FAM98B: variants seen among roughly 807,000 people sequenced by gnomAD.
FAM98B encodes the protein tRNA-splicing ligase complex subunit FAM98B.
In FAM98B, 32 loss-of-function variants were observed where a neutral mutation model predicts 43.9. The ratio of observed to expected loss-of-function variants is 0.73; its 90% CI spans 0.55 to 0.98. The LOEUF (loss-of-function observed/expected upper bound fraction) is 0.98, where lower values mean the gene tolerates loss of function less well. Ranked by LOEUF, FAM98B falls within the 50% of genes least tolerant of loss-of-function variation. FAM98B has a pLI of 0.00. For missense variants in FAM98B, 514 were observed against 522.9 expected, an observed-to-expected ratio of 0.98 and a Z score of 0.17; for synonymous variants, 190 against 174.0, an observed-to-expected ratio of 1.09 and a Z score of -0.72.
chr15:38,486,895 C>A lies in FAM98B; in HGVS notation c.*2236C>A, dbSNP rs1044317696. On this transcript the variant is annotated 3_prime_UTR_variant, in exon 8 of 8. Coordinates refer to ENST00000397609, the MANE Select transcript of FAM98B (RefSeq NM_173611.4). ...AATGTTTTATAAATTGAGTGCAATA[C>A]GACATGGAGTATGATGAATGGCACT... 2 of 152,086 alleles carry A rather than the reference C, an allele frequency of 1.3e-5. No homozygotes were observed. Among genetic ancestry groups the A allele is most frequent in the African/African-American group, 4.8e-5 (2 of 41,428 alleles). 9.4% of individuals were successfully genotyped at this position (152,086 alleles called of 1,614,324 possible). A position where few individuals can be genotyped will look rare whatever the true frequency, so the allele number is the denominator to read the frequency against.
At chr15:38,481,202 CCTTTT>C (rs897644656) in intron 6 of FAM98B, 85 bp from the exon 7 acceptor site, 7 of 1,116,616 alleles carry the variant, frequency 6.3e-6, no homozygotes, top group Admixed American at 4.5e-5. Flanking sequence ...TGCATTATCT[CCTTTT>C]CTTTATTTCT....
Position 38,479,225 on chromosome 15 carries a change from C to G in FAM98B, c.730-2067C>G, listed in dbSNP as rs181745197. ...TCAAGTAATGCTCCCACTTCAGCCT[C>G]CCAAAGTGCTGAGATTACAGGAATG... On this transcript the variant is annotated intron_variant, in intron 6 of 7. Transcript: ENST00000397609. Among the ~76,000 whole-genome samples, 70 of 152,306 alleles carry G rather than the reference C, an allele frequency of 4.6e-4. 1 individual carries two copies. In the East Asian group the frequency reaches 0.013, roughly 27 times the overall value.
intron 3 of FAM98B, among the ~76,000 whole-genome samples, chr15:38,468,181 G>T (rs1890068399): frequency 6.6e-6 from 1 of 152,128 alleles, no homozygotes; most frequent in African/African-American, 2.4e-5. Flanking sequence ...CTTCAGCCAA[G>T]GTTCTGTCTA....
chr15:38,474,661 G>A (rs1430674357), intron 6 of FAM98B, among the ~76,000 whole-genome samples: 2 of 152,206 alleles, frequency 1.3e-5, no homozygotes, highest in South Asian at 2.1e-4. Flanking sequence ...GGCCTTAAAA[G>A]TATCTTAAGG....
chr15:38,455,394 T>G (rs1889832225), intron 1 of FAM98B, among the ~76,000 whole-genome samples: 1 of 152,212 alleles, frequency 6.6e-6, no homozygotes, highest in Admixed American at 6.5e-5. Flanking sequence ...CTTGAACCAA[T>G]CCCACACCCC....
Position 38,473,511 on chromosome 15 carries a change from G to T in FAM98B, c.538G>T (p.Asp180Tyr). ...MLNQVESKVK[D>Y]ILSKVQKNHV... ...CTTTTATATTTACTTTTAGGTGAAA[G>T]ATATTCTCTCAAAGGTCCAGAAAAA... is the stretch of plus-strand genomic sequence containing the variant. Residue 180 changes from aspartate (D) to tyrosine (Y), a missense_variant, in exon 5 of 8, where the codon GAT (aspartate) becomes TAT (tyrosine). Coordinates refer to ENST00000397609, the MANE Select transcript of FAM98B (RefSeq NM_173611.4). The T allele has an allele frequency of 6.2e-7, 1 of 1,601,340 alleles. No individual in the cohort carries two copies. The highest frequency in any genetic ancestry group is 8.5e-7 in the Non-Finnish European group (1 of 1,174,148).
At chr15:38,468,448 C>T (rs996508244) in intron 3 of FAM98B, among the ~76,000 whole-genome samples, 1 of 152,150 alleles carries the variant, frequency 6.6e-6, no homozygotes, top group Non-Finnish European at 1.5e-5. Flanking sequence ...GTCTTAAACT[C>T]CTGGGCCCAA....
chr15:38,467,923 T>G (rs1329581020), intron 3 of FAM98B, among the ~76,000 whole-genome samples: 1 of 152,172 alleles, frequency 6.6e-6, no homozygotes, highest in Non-Finnish European at 1.5e-5. Context: ...CTTGTTTGTA[T>G]AAAAGGAACA....
chr15:38,476,064 A>G (rs895642029), intron 6 of FAM98B, among the ~76,000 whole-genome samples: 1 of 152,140 alleles, frequency 6.6e-6, no homozygotes, highest in Non-Finnish European at 1.5e-5. Context: ...GGAAATCCAC[A>G]AGTAATTTCC....
chr15:38,476,898 G>C (rs1566900505), intron 6 of FAM98B, among the ~76,000 whole-genome samples: 1 of 152,028 alleles, frequency 6.6e-6, no homozygotes, highest in Non-Finnish European at 1.5e-5. Context: ...GGCTGGGGCG[G>C]GTGGATTGCT....
chr15:38,484,632 T>C lies in FAM98B; in HGVS notation c.1275T>C (p.Gly425=), dbSNP rs777061278. The change falls in exon 8 of 8, where the codon GGT becomes GGC. Residue 425 remains glycine, a synonymous_variant. Transcript: ENST00000397609. ...GTGGTGGTGGTGGTGGTGGTGGTGG[T>C]GGAGGAGGTGGATATAGAAGATACT... The part of the protein sequence containing the change: ...GGGGGGGGGG[G]GGGGYRRY 1.3e-6 allele frequency: 2 copies of C among 1,490,758 alleles called. No homozygotes were observed. The highest frequency in any genetic ancestry group is 1.8e-6 in the Non-Finnish European group (2 of 1,120,204). 92.3% of individuals were successfully genotyped at this position (1,490,758 alleles called of 1,614,324 possible).
rs751101981 is a variant in FAM98B, at chr15:38,485,691, T to G, written c.*1032T>G. On this transcript the variant is annotated 3_prime_UTR_variant, in exon 8 of 8. Transcript: ENST00000397609. Reference sequence around the variant, plus strand: ...GGGGTGCTATGGATTGAAATGACCTTAGTTCTCAAGGAGTGATTTGTCCTC... The same window carrying G: ...GGGGTGCTATGGATTGAAATGACCTGAGTTCTCAAGGAGTGATTTGTCCTC... 1 of 152,192 alleles carries G rather than the reference T, an allele frequency of 6.6e-6. No homozygotes were observed. The highest frequency in any genetic ancestry group is 1.5e-5 in the Non-Finnish European group (1 of 68,024). The allele number at this position is 152,192 out of a possible 1,614,324, so 9.4% of individuals were successfully genotyped here.
At chr15:38,470,428 C>T (rs1890112956) in intron 4 of FAM98B, 23 bp downstream of exon 4, 2 of 1,562,406 alleles carry the variant, frequency 1.3e-6, no homozygotes, top group African/African-American at 2.8e-5. Flanking sequence ...TTTTATTTTC[C>T]CCAAAATTCA....
At chr15:38,462,046 G>T (rs1455270989) in intron 1 of FAM98B, among the ~76,000 whole-genome samples, 1 of 152,044 alleles carries the variant, frequency 6.6e-6, no homozygotes, top group Non-Finnish European at 1.5e-5. Context: ...AATAAAATAT[G>T]GTGCATCCAG....
chr15:38,469,444 CAG>C (rs1450412145), intron 3 of FAM98B, among the ~76,000 whole-genome samples: 1 of 152,166 alleles, frequency 6.6e-6, no homozygotes, highest in East Asian at 1.9e-4. Context: ...ACATATAAGA[CAG>C]AGAATAATTT....
rs1208298948 is a variant in FAM98B, at chr15:38,486,017, G to A, written c.*1358G>A. ...GATAGAAAGCTGAATTGTTCCCAGTGGACAAGTGGTATTTGATGTTTAGCA... is the reference window on the plus strand; with the variant it reads ...GATAGAAAGCTGAATTGTTCCCAGTAGACAAGTGGTATTTGATGTTTAGCA... On this transcript the variant is annotated 3_prime_UTR_variant, in exon 8 of 8. Coordinates refer to ENST00000397609, the MANE Select transcript of FAM98B (RefSeq NM_173611.4). The A allele has an allele frequency of 6.6e-6, 1 of 152,012 alleles. No homozygotes were observed. Among genetic ancestry groups the A allele is most frequent in the African/African-American group, 2.4e-5 (1 of 41,402 alleles). The allele number at this position is 152,012 out of a possible 1,614,324, so 9.4% of individuals were successfully genotyped here. A position where few individuals can be genotyped will look rare whatever the true frequency, so the allele number is the denominator to read the frequency against.
At chr15:38,457,871 G>T (rs1889873903) in intron 1 of FAM98B, among the ~76,000 whole-genome samples, 1 of 151,998 alleles carries the variant, frequency 6.6e-6, no homozygotes, top group Non-Finnish European at 1.5e-5. Context: ...GGTAAGAAAG[G>T]AGGCCAAAAC....
chr15:38,464,820 T>A (rs1427595963), intron 2 of FAM98B, among the ~76,000 whole-genome samples: 1 of 152,218 alleles, frequency 6.6e-6, no homozygotes, highest in Non-Finnish European at 1.5e-5. Flanking sequence ...CAGACTGGAC[T>A]TGAACTCCTG....
At chr15:38,461,936 C>G (rs1460292488) in intron 1 of FAM98B, among the ~76,000 whole-genome samples, 1 of 152,072 alleles carries the variant, frequency 6.6e-6, no homozygotes, top group African/African-American at 2.4e-5. Flanking sequence ...ACAGTCTCAC[C>G]TCTAGGAATC....
Sources: allele counts gnomAD v4.1 joint callset (sites outside exome capture counted in the v4.1 genomes callset), GRCh38; gene constraint gnomAD v4.1.1; transcripts MANE v1.5; gene names NCBI Gene and HGNC (gene_info 2026-07-23, HGNC 2026-07-21).